The following AGBL4 variants were observed in gnomAD, a reference collection of about 807,000 sequenced individuals.
AGBL4 encodes AGBL carboxypeptidase 4.
In AGBL4, 58 loss-of-function variants were observed where a neutral mutation model predicts 66.4. The ratio of observed to expected loss-of-function variants is 0.87; its 90% CI spans 0.71 to 1.09. The LOEUF (loss-of-function observed/expected upper bound fraction) is 1.09. Among genes scored for constraint, AGBL4 ranks in the 50% least tolerant of loss-of-function variants. AGBL4 has a pLI of 0.00. For missense variants in AGBL4, 579 were observed against 631.0 expected, an observed-to-expected ratio of 0.92 and a Z score of 0.88; for synonymous variants, 234 against 222.9, an observed-to-expected ratio of 1.05 and a Z score of -0.44.
chr1:49,272,965 G>A (rs1036825618), intron 3 of AGBL4, among the ~76,000 whole-genome samples: 1 of 152,134 alleles, frequency 6.6e-6, no homozygotes, highest in Non-Finnish European at 1.5e-5. Flanking sequence ...TTAGTCAGAC[G>A]AGTTTATACT....
chr1:49,843,398 C>T (rs1015435869), intron 2 of AGBL4, among the ~76,000 whole-genome samples: 2 of 152,110 alleles, frequency 1.3e-5, no homozygotes, highest in Non-Finnish European at 2.9e-5. Context: ...CATGGCTGCC[C>T]AAAGTGTTAA....
intron 3 of AGBL4, among the ~76,000 whole-genome samples, chr1:49,600,339 T>A (rs1251023709): frequency 1.3e-5 from 2 of 152,232 alleles, no homozygotes; most frequent in Non-Finnish European, 2.9e-5. Flanking sequence ...CTCTTCTTGT[T>A]GCATTGATCC....
At chr1:49,494,280 T>A (rs1214621211) in intron 3 of AGBL4, among the ~76,000 whole-genome samples, 1 of 152,008 alleles carries the variant, frequency 6.6e-6, no homozygotes, top group Admixed American at 6.5e-5. Context: ...CCTTGAGTTT[T>A]TTTTTTTATT....
At chr1:48,932,788 T>C (rs1655135658) in intron 5 of AGBL4, among the ~76,000 whole-genome samples, 1 of 150,946 alleles carries the variant, frequency 6.6e-6, no homozygotes, top group Non-Finnish European at 1.5e-5. Context: ...TTTCTAGGAG[T>C]GAAAGTCTTC....
intron 6 of AGBL4, among the ~76,000 whole-genome samples, chr1:48,764,077 G>A (rs1644410753): frequency 1.3e-5 from 2 of 152,118 alleles, no homozygotes; most frequent in African/African-American, 2.4e-5. Context: ...ACATCCAGTT[G>A]GGGATACAAG....
At chr1:49,465,918 A>G (rs1646620572) in intron 3 of AGBL4, among the ~76,000 whole-genome samples, 1 of 151,866 alleles carries the variant, frequency 6.6e-6, no homozygotes, top group Non-Finnish European at 1.5e-5. Context: ...AGGGAGAAAG[A>G]TTGCTAAATC....
chr1:49,497,212 A>C (rs1647680429), intron 3 of AGBL4, among the ~76,000 whole-genome samples: 1 of 151,966 alleles, frequency 6.6e-6, no homozygotes, highest in Non-Finnish European at 1.5e-5. Context: ...CCATTTTTAA[A>C]AATAGGGTTA....
chr1:48,895,296 G>A (rs1651391934), intron 5 of AGBL4, among the ~76,000 whole-genome samples: 1 of 152,212 alleles, frequency 6.6e-6, no homozygotes, highest in African/African-American at 2.4e-5. Context: ...CGTCAGGCAT[G>A]GGCCAGCCAG....
At chr1:49,618,491 A>T (rs1026238149) in intron 3 of AGBL4, among the ~76,000 whole-genome samples, 1 of 152,156 alleles carries the variant, frequency 6.6e-6, no homozygotes, top group Non-Finnish European at 1.5e-5. Flanking sequence ...CTACTAACCA[A>T]AAAAGCCCAG....
At chr1:49,430,661 AAAGT>A (rs1454561112) in intron 3 of AGBL4, among the ~76,000 whole-genome samples, 4 of 152,176 alleles carry the variant, frequency 2.6e-5, no homozygotes, top group Non-Finnish European at 5.9e-5. Context: ...TAGATACAGA[AAAGT>A]ACGTGTATCA....
intron 3 of AGBL4, chr1:49,469,689 G>T (rs1409229549): frequency 6.6e-6 from 1 of 151,838 alleles, no homozygotes; most frequent in Non-Finnish European, 1.5e-5. Flanking sequence ...TTTACAGAAA[G>T]TTAAAATTAT....
intron 9 of AGBL4, among the ~76,000 whole-genome samples, chr1:48,608,506 T>C (rs1034333649): frequency 2.0e-5 from 3 of 152,140 alleles, no homozygotes; most frequent in Non-Finnish European, 4.4e-5. Flanking sequence ...AGTAACTGCC[T>C]GTGAATACAG....
At chr1:48,739,671 C>A (rs1159465268) in intron 6 of AGBL4, among the ~76,000 whole-genome samples, 1 of 152,202 alleles carries the variant, frequency 6.6e-6, no homozygotes, top group Non-Finnish European at 1.5e-5. Flanking sequence ...ATCAGTGCTA[C>A]CTCAGAGTTG....
At chr1:49,807,254 AAGCGATT>A (rs1644995870) in intron 2 of AGBL4, among the ~76,000 whole-genome samples, 1 of 152,158 alleles carries the variant, frequency 6.6e-6, no homozygotes, top group Non-Finnish European at 1.5e-5. Flanking sequence ...GAAAGCTGCA[AAGCGATT>A]AGGGCAGGGT....
chr1:49,097,832 T>C (rs1040254621), intron 4 of AGBL4, among the ~76,000 whole-genome samples: 1 of 152,212 alleles, frequency 6.6e-6, no homozygotes, highest in Non-Finnish European at 1.5e-5. Context: ...CTGCCCACCA[T>C]GGCCTCCCTA....
At chr1:49,235,997 GATTTATTTATTT>G (rs3052026) in intron 4 of AGBL4, among the ~76,000 whole-genome samples, 10 of 148,394 alleles carry the variant, frequency 6.7e-5, no homozygotes, top group Admixed American at 1.3e-4. Context: ...CATTTTGAAG[GATTTATTTATTT>G]ATTTATTTAT....
At chr1:48,882,477 T>C (rs1019582563) in intron 5 of AGBL4, among the ~76,000 whole-genome samples, 3 of 152,210 alleles carry the variant, frequency 2.0e-5, no homozygotes, top group African/African-American at 7.2e-5. Flanking sequence ...TGATATGATA[T>C]GTAGTGTGTT....
chr1:49,114,762 T>C (rs990490156), intron 4 of AGBL4, among the ~76,000 whole-genome samples: 2 of 151,958 alleles, frequency 1.3e-5, no homozygotes, highest in African/African-American at 4.8e-5. Flanking sequence ...GGGCCTGAGG[T>C]GAGGAAGGAG....
intron 3 of AGBL4, among the ~76,000 whole-genome samples, chr1:49,398,603 G>T (rs1405788622): frequency 1.3e-5 from 2 of 152,054 alleles, no homozygotes; most frequent in African/African-American, 4.8e-5. Flanking sequence ...TTTCTCAGGA[G>T]AACACTGACC....
Sources: allele counts gnomAD v4.1 joint callset (sites outside exome capture counted in the v4.1 genomes callset), GRCh38; gene constraint gnomAD v4.1.1; transcripts MANE v1.5; gene names NCBI Gene and HGNC (gene_info 2026-07-23, HGNC 2026-07-21).